MTHFD2L: variants seen among roughly 807,000 people sequenced by gnomAD.
MTHFD2L encodes bifunctional methylenetetrahydrofolate dehydrogenase/cyclohydrolase 2, mitochondrial.
In MTHFD2L, 29 loss-of-function variants were observed where a neutral mutation model predicts 34.9. That is an observed-to-expected ratio of 0.83 (90% confidence interval 0.62 to 1.13). The LOEUF (loss-of-function observed/expected upper bound fraction) is 1.13, where lower values mean the gene tolerates loss of function less well. MTHFD2L is among the 50% of genes most tolerant of loss of function. The pLI, the probability that MTHFD2L is intolerant of heterozygous loss-of-function variation, is 0.00. For missense variants in MTHFD2L, 481 were observed against 446.5 expected, an observed-to-expected ratio of 1.08 and a Z score of -0.70; for synonymous variants, 167 against 155.7, an observed-to-expected ratio of 1.07 and a Z score of -0.54.
intron 7 of MTHFD2L, among the ~76,000 whole-genome samples, chr4:74,283,746 G>T (rs771179430): frequency 6.6e-6 from 1 of 152,076 alleles, no homozygotes; most frequent in African/African-American, 2.4e-5. Context: ...TTGCCAGCCT[G>T]CTGATTCATG....
chr4:74,181,531 C>G (rs1409434620), intron 3 of MTHFD2L, among the ~76,000 whole-genome samples: 3 of 152,136 alleles, frequency 2.0e-5, no homozygotes, highest in Non-Finnish European at 1.5e-5. Context: ...ATCCTTCGTA[C>G]CATAGTCACA....
At chr4:74,298,394 A>G (rs1749884179) in intron 7 of MTHFD2L, among the ~76,000 whole-genome samples, 1 of 152,084 alleles carries the variant, frequency 6.6e-6, no homozygotes, top group Non-Finnish European at 1.5e-5. Flanking sequence ...GGTTTCCACC[A>G]GCGAAGTATG....
intron 1 of MTHFD2L, among the ~76,000 whole-genome samples, chr4:74,163,289 A>G (rs1725858945): frequency 6.6e-6 from 1 of 152,242 alleles, no homozygotes; most frequent in Non-Finnish European, 1.5e-5. Flanking sequence ...ATAATATTTC[A>G]GTAAAACTGG....
chr4:74,183,734 A>C (rs1372670934), intron 3 of MTHFD2L: 1 of 152,060 alleles, frequency 6.6e-6, no homozygotes, highest in African/African-American at 2.4e-5. Flanking sequence ...GGATCTGTCC[A>C]AGGAATTAAG....
At chr4:74,145,735 G>A (rs1208544411) in intron 1 of MTHFD2L, among the ~76,000 whole-genome samples, 1 of 152,102 alleles carries the variant, frequency 6.6e-6, no homozygotes, top group African/African-American at 2.4e-5. Flanking sequence ...TGGATCATGG[G>A]GGCAGAGTTC....
chr4:74,276,704 C>T (rs556503496), intron 6 of MTHFD2L, among the ~76,000 whole-genome samples: 3 of 152,216 alleles, frequency 2.0e-5, no homozygotes, highest in South Asian at 2.1e-4. Context: ...TATAAAAATA[C>T]ACTGATTGAG....
intron 3 of MTHFD2L, 147 bp from the exon 4 acceptor site, chr4:74,199,647 A>AAAT (rs375652920): frequency 0.021 from 13,668 of 662,958 alleles, 837 homozygotes; most frequent in African/African-American, 0.18. Flanking sequence ...TTTTGGTGGC[A>AAAT]AATAATAATA....
intron 6 of MTHFD2L, among the ~76,000 whole-genome samples, chr4:74,273,084 G>T (rs949424035): frequency 6.6e-6 from 1 of 152,124 alleles, no homozygotes; most frequent in African/African-American, 2.4e-5. Context: ...TGAAGTAATA[G>T]ATATCGATTT....
At chr4:74,163,862 C>CT (rs935758042) in intron 1 of MTHFD2L, among the ~76,000 whole-genome samples, 5 of 151,916 alleles carry the variant, frequency 3.3e-5, no homozygotes, top group Non-Finnish European at 5.9e-5. Context: ...GATTTTTCGT[C>CT]TTTTTTTGTT....
chr4:74,245,583 C>T (rs1285193126), intron 6 of MTHFD2L, among the ~76,000 whole-genome samples: 2 of 152,018 alleles, frequency 1.3e-5, no homozygotes, highest in Non-Finnish European at 1.5e-5. Context: ...CCCATTAACT[C>T]GTCATTTAGC....
intron 5 of MTHFD2L, 80 bp from the exon 6 acceptor site, chr4:74,225,222 T>C: frequency 9.4e-7 from 1 of 1,061,720 alleles, no homozygotes; most frequent in Non-Finnish European, 1.4e-6. Context: ...AGGAAATAAG[T>C]GAAACTCTTC....
chr4:74,180,803 A>T (rs1055049942), intron 3 of MTHFD2L: 8 of 378,956 alleles, frequency 2.1e-5, no homozygotes, highest in Middle Eastern at 3.6e-4. Flanking sequence ...CCGAATGCAG[A>T]TGCTTTCCTA....
At chr4:74,295,843 A>G (rs548207019) in intron 7 of MTHFD2L, among the ~76,000 whole-genome samples, 8 of 152,120 alleles carry the variant, frequency 5.3e-5, no homozygotes, top group African/African-American at 1.9e-4. Context: ...TGTCTCCCCT[A>G]CACTGTCTAT....
chr4:74,274,023 C>A (rs200455509), intron 6 of MTHFD2L, among the ~76,000 whole-genome samples: 1 of 141,912 alleles, frequency 7.0e-6, no homozygotes, highest in Non-Finnish European at 1.5e-5. Flanking sequence ...TTTTTTTTTT[C>A]TTTTTTCAAG....
At chr4:74,127,738 C>T (rs761638859) in intron 1 of MTHFD2L, among the ~76,000 whole-genome samples, 12 of 152,002 alleles carry the variant, frequency 7.9e-5, no homozygotes, top group Middle Eastern at 3.4e-3. Context: ...TTTGATATAC[C>T]GATTTTCTTT....
At chr4:74,133,400 T>TGAGAAA (rs1722691607) in intron 1 of MTHFD2L, among the ~76,000 whole-genome samples, 1 of 152,204 alleles carries the variant, frequency 6.6e-6, no homozygotes, top group African/African-American at 2.4e-5. Context: ...GGATAAGCTT[T>TGAGAAA]TCTCCCCTTG....
intron 1 of MTHFD2L, among the ~76,000 whole-genome samples, chr4:74,146,882 C>T (rs1428585867): frequency 6.6e-6 from 1 of 151,838 alleles, no homozygotes; most frequent in Non-Finnish European, 1.5e-5. Context: ...AATAGTCTGT[C>T]TTTGAGCTCA....
chr4:74,298,223 A>G (rs1485673472), intron 7 of MTHFD2L, among the ~76,000 whole-genome samples: 2 of 152,072 alleles, frequency 1.3e-5, no homozygotes, highest in African/African-American at 4.8e-5. Context: ...CAATGATATT[A>G]TAATCTTCTG....
At chr4:74,172,721 A>C (rs1164391283) in intron 1 of MTHFD2L, among the ~76,000 whole-genome samples, 1 of 152,194 alleles carries the variant, frequency 6.6e-6, no homozygotes, top group Non-Finnish European at 1.5e-5. Context: ...CTGCAATTTC[A>C]GGCAGTTTTT....
Sources: allele counts gnomAD v4.1 joint callset (sites outside exome capture counted in the v4.1 genomes callset), GRCh38; gene constraint gnomAD v4.1.1; transcripts MANE v1.5; gene names NCBI Gene and HGNC (gene_info 2026-07-23, HGNC 2026-07-21).